SCRN1: variants seen among roughly 807,000 people sequenced by gnomAD.
SCRN1 encodes secernin-1.
SCRN1 carries 19 observed loss-of-function variants against 43.3 expected under a neutral mutation model. That is an observed-to-expected ratio of 0.44 (90% CI 0.31 to 0.64). The LOEUF (loss-of-function observed/expected upper bound fraction) is 0.64, where lower values mean the gene tolerates loss of function less well. Ranked by LOEUF, SCRN1 falls within the 30% of genes least tolerant of loss-of-function variation. The probability of loss-of-function intolerance (pLI) is 0.09; values close to 1 mark genes in which losing one functional copy is unlikely to be tolerated. For missense variants in SCRN1, 447 were observed against 524.1 expected (o/e 0.85, Z 1.44); for synonymous variants, 183 against 188.9 (o/e 0.97, Z 0.26).
intron 7 of SCRN1, among the ~76,000 whole-genome samples, chr7:29,925,449 G>C (rs1465120315): frequency 6.6e-6 from 1 of 152,216 alleles, no homozygotes; most frequent in East Asian, 1.9e-4. Flanking sequence ...CTTCAGGCCA[G>C]TTTGGACCTA....
Position 29,985,003 on chromosome 7 carries a change from T to C in SCRN1, c.-2+4639A>G, listed in dbSNP as rs1416859650. Among the ~76,000 whole-genome samples, 5 of 144,748 alleles carry C rather than the reference T, an allele frequency of 3.5e-5. 1 individual carries two copies. Among genetic ancestry groups the C allele is most frequent in the African/African-American group, 1.3e-4 (5 of 38,276 alleles). 95.0% of individuals were successfully genotyped at this position (144,748 alleles called of 152,430 possible). A position where few individuals can be genotyped will look rare whatever the true frequency, so the allele number is the denominator to read the frequency against. ...ACAAAGATTTAAAAATTTGATAATA[T>C]CTAGTCTTGACTTGTGTGGGGAAAG... On this transcript the variant is annotated intron_variant, in intron 1 of 7. Coordinates refer to ENST00000242059, the MANE Select transcript of SCRN1 (RefSeq NM_014766.5).
At chr7:29,973,575 G>A (rs1165944431) in intron 1 of SCRN1, among the ~76,000 whole-genome samples, 1 of 152,190 alleles carries the variant, frequency 6.6e-6, no homozygotes, top group Non-Finnish European at 1.5e-5. Context: ...TATATGATGG[G>A]CAGGTCCACA....
In SCRN1 at chr7:29,989,648, C is replaced by T; in HGVS notation, c.-8G>A. The T allele has an allele frequency of 3.0e-6, 3 of 985,704 alleles. No individual in the cohort carries two copies. The highest frequency in any genetic ancestry group is 2.4e-6 in the Non-Finnish European group (2 of 830,158). The allele number at this position is 985,704 out of a possible 1,614,324, so 61.1% of individuals were successfully genotyped here. A position where few individuals can be genotyped will look rare whatever the true frequency, so the allele number is the denominator to read the frequency against. On this transcript the variant is annotated 5_prime_UTR_variant, in exon 1 of 8. Transcript: ENST00000242059. ...GCTCCCAGACGCGGCTCACCTGGGG[C>T]GGCGGGCTCCGGGCTCCGCTCTCCG...
chr7:29,968,759 T>C, intron 2 of SCRN1, 150 bp downstream of exon 2: 1 of 931,584 alleles, frequency 1.1e-6, no homozygotes, highest in Non-Finnish European at 1.6e-6. Context: ...TTCAAGGCTA[T>C]GAGCAAACCT....
chr7:29,952,591 G>A (rs533969975), intron 3 of SCRN1, among the ~76,000 whole-genome samples: 10 of 152,108 alleles, frequency 6.6e-5, no homozygotes, highest in Admixed American at 3.3e-4. Flanking sequence ...TCAGGAGGCT[G>A]AGGCAGGAGA....
chr7:29,944,311 A>G (rs1311295879), intron 3 of SCRN1, 132 bp from the exon 4 acceptor site: 1 of 733,806 alleles, frequency 1.4e-6, no homozygotes, highest in East Asian at 2.7e-5. Context: ...TCTGCAGAAC[A>G]ATAAGCAAAC....
chr7:29,954,719 C>T lies in SCRN1; in HGVS notation c.341+460G>A, dbSNP rs1028929234. On this transcript the variant is annotated intron_variant, in intron 3 of 7. Coordinates refer to ENST00000242059, the MANE Select transcript of SCRN1 (RefSeq NM_014766.5). ...GTTTTTGATGGAGACTCGTTGTTGTCGCCTCAGCTGGAGTGCAATGACATG... is the reference window on the plus strand; with the variant it reads ...GTTTTTGATGGAGACTCGTTGTTGTTGCCTCAGCTGGAGTGCAATGACATG... Among the ~76,000 whole-genome samples the T allele has an allele frequency of 1.2e-4, 18 of 152,272 alleles. 1 individual carries two copies. Among genetic ancestry groups the T allele is most frequent in the Admixed American group, 7.2e-4 (11 of 15,290 alleles).
chr7:29,984,066 C>T (rs1433133697), intron 1 of SCRN1, among the ~76,000 whole-genome samples: 2 of 151,982 alleles, frequency 1.3e-5, no homozygotes, highest in Non-Finnish European at 2.9e-5. Context: ...ATCAGTCGGG[C>T]GTGGTGGCGC....
At chr7:29,957,484 ATTACAT>A (rs1211704846) in intron 2 of SCRN1, among the ~76,000 whole-genome samples, 1 of 152,204 alleles carries the variant, frequency 6.6e-6, no homozygotes, top group African/African-American at 2.4e-5. Flanking sequence ...TGATGGACTT[ATTACAT>A]GTACTGTTTA....
At position 29,950,329 on chromosome 7, in the gene SCRN1, ACTTTG is replaced by A. The variant is rs1787879124; in HGVS notation, c.341+4845_341+4849del. 6.6e-6 allele frequency among the ~76,000 whole-genome samples: 1 copy of A among 152,104 alleles called. No individual in the cohort carries two copies. Among genetic ancestry groups the A allele is most frequent in the Non-Finnish European group, 1.5e-5 (1 of 68,010 alleles). ...CCCCTGCCGCCTCGGGCTTCTCCAG[ACTTTG>A]GGCATCAATGAGCACAGGAGGGAGG... is the stretch of plus-strand genomic sequence containing the variant. On this transcript the variant is annotated intron_variant, in intron 3 of 7. Transcript: ENST00000242059. The surrounding 1 kb of genome is among the most constrained non-coding windows in gnomAD (Gnocchi z 4.5).
chr7:29,981,032 T>TA (rs146308437), intron 1 of SCRN1, among the ~76,000 whole-genome samples: 5,185 of 152,208 alleles, frequency 0.034, 279 homozygotes, highest in African/African-American at 0.12. Context: ...TTCATCTAGT[T>TA]ATATAGTTTT....
intron 3 of SCRN1, among the ~76,000 whole-genome samples, chr7:29,945,671 AG>A (rs543011655): frequency 1.6e-4 from 25 of 152,222 alleles, no homozygotes; most frequent in Non-Finnish European, 3.5e-4. Context: ...CCCAGCTTCT[AG>A]CTATGGCTCT....
At chr7:29,969,703 TTAATGATC>T (rs1788609283) in intron 1 of SCRN1, 1 of 414,066 alleles carries the variant, frequency 2.4e-6, no homozygotes, top group African/African-American at 2.0e-5. Flanking sequence ...CTTTCCTCAT[TTAATGATC>T]TTTTCTATCT....
chr7:29,983,639 T>C (rs1789063317), intron 1 of SCRN1, among the ~76,000 whole-genome samples: 2 of 152,078 alleles, frequency 1.3e-5, no homozygotes, highest in Non-Finnish European at 2.9e-5. Context: ...CAAAAAATGA[T>C]CTTGAGGTCC....
chr7:29,953,065 G>A (rs149506407), intron 3 of SCRN1, among the ~76,000 whole-genome samples: 39 of 152,302 alleles, frequency 2.6e-4, no homozygotes, highest in Middle Eastern at 3.4e-3. Flanking sequence ...TGCAGCTTCA[G>A]GTCAAATGAA....
Position 29,955,194 on chromosome 7 carries a change from C to T in SCRN1, c.326G>A (p.Gly109Glu), listed in dbSNP as rs1178860631. 5 of 1,613,946 alleles carry T rather than the reference C, an allele frequency of 3.1e-6. No individual in the cohort carries two copies. The highest frequency in any genetic ancestry group is 4.2e-6 in the Non-Finnish European group (5 of 1,179,986). ...CATGCAGTACCTGACCAGATCCATCCCCAGCAAGGCTTCTATCTCGGCAGC... is the reference window on the plus strand; with the variant it reads ...CATGCAGTACCTGACCAGATCCATCTCCAGCAAGGCTTCTATCTCGGCAGC... ...EPAAEIEALL[G>E]MDLVRLGLER... Residue 109 changes from glycine to glutamate, a missense_variant, in exon 3 of 8, where the codon GGG (glycine) becomes GAG (glutamate). Coordinates refer to ENST00000242059, the MANE Select transcript of SCRN1 (RefSeq NM_014766.5).
intron 6 of SCRN1, among the ~76,000 whole-genome samples, chr7:29,929,916 A>T (rs1437674911): frequency 6.6e-6 from 1 of 152,192 alleles, no homozygotes; most frequent in African/African-American, 2.4e-5. Flanking sequence ...CCCTAAGCTC[A>T]CTGGAATGGA....
chr7:29,968,831 G>A, intron 2 of SCRN1, 78 bp downstream of exon 2: 1 of 1,553,014 alleles, frequency 6.4e-7, no homozygotes, highest in South Asian at 1.1e-5. Context: ...AAGCTTCCAA[G>A]CAAGAAGTTA....
chr7:29,969,737 T>C, intron 1 of SCRN1: 2 of 444,438 alleles, frequency 4.5e-6, no homozygotes, highest in South Asian at 3.2e-5. Context: ...AATGCATCCA[T>C]GCTCAGAGTT....
Sources: gnomAD v4.1 joint callset for allele counts (sites outside exome capture counted in the v4.1 genomes callset) on GRCh38, gnomAD v4.1.1 for gene constraint, Gnocchi (gnomAD v3.1) non-coding constraint, MANE v1.5 for transcripts, NCBI Gene and HGNC (gene_info 2026-07-23, HGNC 2026-07-21) for gene names.